Variants in LGI4 observed in about 807,000 individuals in gnomAD.
The protein encoded by LGI4 is leucine rich repeat LGI family member 4.
A neutral mutation model predicts 48.3 loss-of-function variants in LGI4; 36 were observed. The ratio of observed to expected loss-of-function variants is 0.75; its 90% CI spans 0.57 to 0.98. The LOEUF (loss-of-function observed/expected upper bound fraction) is 0.98, where lower values mean the gene tolerates loss of function less well. LGI4 is among the 50% of genes least tolerant of loss of function. The pLI, the probability that LGI4 is intolerant of heterozygous loss-of-function variation, is 0.00. For missense variants in LGI4, 701 were observed against 732.1 expected (o/e 0.96, Z 0.49); for synonymous variants, 355 against 331.6 (o/e 1.07, Z -0.77).
Position 35,134,924 on chromosome 19 carries a change from G to A in LGI4, c.-244C>T, listed in dbSNP as rs1359210502. 7.8e-6 allele frequency: 4 copies of A among 509,850 alleles called. No homozygotes were observed. Among genetic ancestry groups the A allele is most frequent in the Non-Finnish European group, 1.4e-5 (4 of 291,196 alleles). 31.6% of individuals were successfully genotyped at this position (509,850 alleles called of 1,614,324 possible). A position where few individuals can be genotyped will look rare whatever the true frequency, so the allele number is the denominator to read the frequency against. On this transcript the variant is annotated 5_prime_UTR_variant, in exon 1 of 9. Transcript: ENST00000310123. ...TGTCTCTGTATTTTTGACTCTGTGT[G>A]TTAGTCTGTTTCTATTTCTGTCTTT...
chr19:35,133,275 G>T, intron 3 of LGI4: 1 of 975,666 alleles, frequency 1.0e-6, no homozygotes, highest in Non-Finnish European at 1.2e-6. Context: ...CTACCCAATC[G>T]TCAGCACCAC....
At position 35,132,024 on chromosome 19, in the gene LGI4, C is replaced by A. The variant is rs750391498; in HGVS notation, c.333G>T (p.Glu111Asp). The change falls in exon 4 of 9, where the codon GAG becomes GAT. Residue 111 changes from glutamate (E) to aspartate (D), a missense_variant. Glu to Asp is a conservative substitution (Grantham distance 45). This residue lies in a region of LGI4 where 462 missense variants were observed against 436.4 expected (regional missense o/e 1.06). Transcript: ENST00000310123. ...HLQYLFIEDN[E>D]IGSISKNALR... The stretch of plus-strand genomic sequence containing the variant: ...GGGCATTCTTAGAGATGGAGCCAAT[C>A]TCATTGTCCTCGATGAAGCTGTGGA... 6.3e-7 allele frequency: 1 copy of A among 1,580,866 alleles called. No homozygotes were observed. The highest frequency in any genetic ancestry group is 1.2e-5 in the South Asian group (1 of 86,078).
Position 35,124,587 on chromosome 19 carries a change from G to T in LGI4, c.*606C>A, listed in dbSNP as rs764330147. The T allele has an allele frequency of 6.6e-6, 1 of 151,738 alleles. No homozygotes were observed. The highest frequency in any genetic ancestry group is 1.9e-4 in the East Asian group (1 of 5,170). 9.4% of individuals were successfully genotyped at this position (151,738 alleles called of 1,614,324 possible). A position where few individuals can be genotyped will look rare whatever the true frequency, so the allele number is the denominator to read the frequency against. On this transcript the variant is annotated 3_prime_UTR_variant, in exon 9 of 9. Transcript: ENST00000310123. ...CCGTCGCCCATCTAGAAGGGCACCA[G>T]GCTCCCCGCGACACCTCCCGCTGTC...
rs1333862715 is a variant in LGI4, at chr19:35,134,799, G to T, written c.-119C>A. 5 of 587,928 alleles carry T rather than the reference G, an allele frequency of 8.5e-6. No individual in the cohort carries two copies. Among genetic ancestry groups the T allele is most frequent in the East Asian group, 3.0e-5 (1 of 33,164 alleles). 36.4% of individuals were successfully genotyped at this position (587,928 alleles called of 1,614,324 possible). ...CCGCCTGCTGGCACGCTCGGCCCTG[G>T]CTTCTCTCTCCTCTTCTCCGTCTTT... On this transcript the variant is annotated 5_prime_UTR_variant, in exon 1 of 9. Coordinates refer to ENST00000310123, the MANE Select transcript of LGI4 (RefSeq NM_139284.3).
At chr19:35,130,893 G>A (rs547490005) in intron 6 of LGI4, among the ~76,000 whole-genome samples, 12 of 152,284 alleles carry the variant, frequency 7.9e-5, no homozygotes, top group Non-Finnish European at 1.2e-4. Flanking sequence ...TGTCCTGTCT[G>A]GGCCTGCATT....
rs544303508 is a variant in LGI4 at position 35,131,465 on chromosome 19, G to A, written c.549C>T (p.Gly183=). The A allele has an allele frequency of 3.7e-5, 58 of 1,551,446 alleles. No individual in the cohort carries two copies. The highest frequency in any genetic ancestry group is 4.7e-5 in the Non-Finnish European group (54 of 1,147,098). The change falls in exon 6 of 9, where the codon GGC becomes GGT. Residue 183 remains glycine, a synonymous_variant. Transcript: ENST00000310123. Reference sequence around the variant, plus strand: ...TCAGGGAGGCGGGGCCCGCACAGGCGCCGGTCCCCACGCTGGCATTCACGG... The same window carrying A: ...TCAGGGAGGCGGGGCCCGCACAGGCACCGGTCCCCACGCTGGCATTCACGG... The part of the protein sequence containing the change: ...MPTVNASVGT[G]ACAGPASLSH...
Position 35,133,434 on chromosome 19 carries a change from C to T in LGI4, c.314+259G>A, listed in dbSNP as rs191813558. 8.9e-5 allele frequency: 117 copies of T among 1,321,212 alleles called. No individual in the cohort carries two copies. In the East Asian group the frequency reaches 3.7e-3, roughly 42 times the overall value. 81.8% of individuals were successfully genotyped at this position (1,321,212 alleles called of 1,614,324 possible). ...AGAATCAGGCTCTGGTTATCCGGGC[C>T]CTTTGTAGATCTTGAAGCAGAGAAG... On this transcript the variant is annotated intron_variant, in intron 3 of 8. Coordinates refer to ENST00000310123, the MANE Select transcript of LGI4 (RefSeq NM_139284.3).
At chr19:35,132,115 C>G (rs2065180110) in intron 3 of LGI4, 73 bp from the exon 4 acceptor site, 1 of 1,255,262 alleles carries the variant, frequency 8.0e-7, no homozygotes, top group African/African-American at 1.5e-5. Context: ...AGACATAGGC[C>G]CACTGGAAGG....
chr19:35,125,247 G>A lies in LGI4; in HGVS notation c.1560C>T (p.Cys520=). 6.3e-6 allele frequency: 10 copies of A among 1,585,902 alleles called. No individual in the cohort carries two copies. Among genetic ancestry groups the A allele is most frequent in the Non-Finnish European group, 8.6e-6 (10 of 1,164,312 alleles). Residue 520 remains cysteine (C), a synonymous_variant, in exon 9 of 9, where the codon TGC becomes TGT. Transcript: ENST00000310123. ...GGTAGATCTGTGTGGGGCCCTTAAA[G>A]CAAGCAGCAAAGAGGAAGCGTCTGC... ...MAGRRFLFAA[C]FKGPTQIYQH...
chr19:35,132,180 C>T (rs183224100), intron 3 of LGI4, 138 bp from the exon 4 acceptor site: 1 of 737,530 alleles, frequency 1.4e-6, no homozygotes, highest in Non-Finnish European at 2.3e-6. Context: ...TCTCAAAAAC[C>T]TCTCCTCCCA....
rs373822358 is a variant in LGI4, at chr19:35,126,474, C to T, written c.1095G>A (p.Thr365=). ...HQSLHAWHRD[T]DAEALELDGR... ...CGTCCAGCTCCAGGGCCTCAGCGTC[C>T]GTGTCCCGGTGCCAGGCGTGCAGGC... The change falls in exon 8 of 9, where the codon ACG becomes ACA. Residue 365 remains threonine (T), a synonymous_variant. Coordinates refer to ENST00000310123, the MANE Select transcript of LGI4 (RefSeq NM_139284.3). 5.1e-6 allele frequency: 8 copies of T among 1,571,336 alleles called. No homozygotes were observed. The East Asian group carries it at 9.2e-5, about 18-fold the overall frequency.
At chr19:35,129,684 T>C (rs1673009) in intron 6 of LGI4, among the ~76,000 whole-genome samples, 47,309 of 151,986 alleles carry the variant, frequency 0.31, 8,011 homozygotes, top group South Asian at 0.51. Context: ...AAAGCCTGGG[T>C]ATTGTCCAAG....
In LGI4 at chr19:35,126,286, T is replaced by TA; in HGVS notation, c.1282dup (p.Tyr428LeufsTer55). ...CAGCCTCACCATGGAGTCCCCAATG[T>TA]AGCGTGTGAGGCACAGGAACACGTC... On this transcript the variant is annotated frameshift_variant, in exon 8 of 9. Coordinates refer to ENST00000310123, the MANE Select transcript of LGI4 (RefSeq NM_139284.3). LOFTEE classifies it high-confidence loss of function. 6.2e-7 allele frequency: 1 copy of TA among 1,612,044 alleles called. No individual in the cohort carries two copies. The highest frequency in any genetic ancestry group is 8.5e-7 in the Non-Finnish European group (1 of 1,179,562).
intron 2 of LGI4, 72 bp downstream of exon 2, chr19:35,133,961 A>G: frequency 2.1e-6 from 3 of 1,433,760 alleles, no homozygotes; most frequent in Admixed American, 2.0e-5. Context: ...CTGTGTGAGC[A>G]TACACTCCCA....
chr19:35,126,680 G>A lies in LGI4; in HGVS notation c.889C>T (p.Pro297Ser), dbSNP rs771179115. 169 of 1,535,758 alleles carry A rather than the reference G, an allele frequency of 1.1e-4. No individual in the cohort carries two copies. Among genetic ancestry groups the A allele is most frequent in the Non-Finnish European group, 1.2e-4 (136 of 1,146,330 alleles). ...GGGGCCAGGCGCAGGCCGGGACTGG[G>A]CCGGGCCCACAGCTGTGAGCCCCCC... Reference protein sequence around the residue: ...LWGGSQLWARPSPGLRLAPTQ... With the variant: ...LWGGSQLWARSSPGLRLAPTQ... Residue 297 changes from proline (P) to serine (S), a missense_variant, in exon 8 of 9, where the codon CCC becomes TCC. Pro to Ser is a moderately conservative substitution (Grantham distance 74, BLOSUM62 -1). Around this residue, in one of 3 missense-constraint regions of LGI4, gnomAD observed 462 missense variants for 436.4 expected, o/e 1.06. Transcript: ENST00000310123.
Position 35,126,946 on chromosome 19 carries a change from G to A in LGI4, c.700C>T (p.His234Tyr), listed in dbSNP as rs747433557. ...VEPFSYQGEP[H>Y]IVLAQPFAGR... ...GCGAAGGGCTGTGCCAGCACAATGT[G>A]AGGCTCCCCTTGGTAGGAGAAGGGC... Residue 234 changes from histidine to tyrosine, a missense_variant, in exon 7 of 9, where the codon CAC becomes TAC. Coordinates refer to ENST00000310123, the MANE Select transcript of LGI4 (RefSeq NM_139284.3). The A allele has an allele frequency of 4.3e-6, 7 of 1,613,682 alleles. No individual in the cohort carries two copies. Among genetic ancestry groups the A allele is most frequent in the Non-Finnish European group, 5.1e-6 (6 of 1,179,918 alleles).
chr19:35,134,768 C>G lies in LGI4; in HGVS notation c.-88G>C. 7.5e-6 allele frequency: 5 copies of G among 664,456 alleles called. No individual in the cohort carries two copies. Among genetic ancestry groups the G allele is most frequent in the South Asian group, 2.0e-5 (1 of 51,174 alleles). The allele number at this position is 664,456 out of a possible 1,614,324, so 41.2% of individuals were successfully genotyped here. ...ACGTCTCCTCCTCCACCAGGCCGCC[C>G]TCCATCCGCCTGCTGGCACGCTCGG... On this transcript the variant is annotated 5_prime_UTR_variant, in exon 1 of 9. Transcript: ENST00000310123.
In LGI4 at chr19:35,126,693, C is replaced by A. The variant is rs1333611965; in HGVS notation, c.876G>T (p.Gln292His). The A allele has an allele frequency of 2.0e-6, 3 of 1,537,172 alleles. No homozygotes were observed. In the African/African-American group the frequency reaches 4.1e-5, roughly 21 times the overall value. Residue 292 changes from glutamine to histidine, a missense_variant, in exon 8 of 9, where the codon CAG becomes CAT. By Grantham distance (24) the Gln-to-His change is conservative. Coordinates refer to ENST00000310123, the MANE Select transcript of LGI4 (RefSeq NM_139284.3). ...GGCCGGGACTGGGCCGGGCCCACAGCTGTGAGCCCCCCCACAGGCGGGCAG... is the reference window on the plus strand; with the variant it reads ...GGCCGGGACTGGGCCGGGCCCACAGATGTGAGCCCCCCCACAGGCGGGCAG... ...VLAARLWGGSQLWARPSPGLR... is the reference protein window; with the variant it reads ...VLAARLWGGSHLWARPSPGLR...
In LGI4 at chr19:35,127,022, G is replaced by T. The variant is rs757520499; in HGVS notation, c.629-5C>A. Reference sequence around the variant, plus strand: ...CCGTCTGGAACCAGGACAGCTCTGTGGGTGGAGAAGAGAGTCAGGCAGGCC... The same window carrying T: ...CCGTCTGGAACCAGGACAGCTCTGTTGGTGGAGAAGAGAGTCAGGCAGGCC... On this transcript the variant is annotated splice_region_variant and splice_polypyrimidine_tract_variant and intron_variant, in intron 6 of 8. Coordinates refer to ENST00000310123, the MANE Select transcript of LGI4 (RefSeq NM_139284.3). 1.3e-6 allele frequency: 2 copies of T among 1,576,814 alleles called. No homozygotes were observed. Among genetic ancestry groups the T allele is most frequent in the Non-Finnish European group, 8.6e-7 (1 of 1,156,864 alleles).
Sources: allele counts gnomAD v4.1 joint callset (sites outside exome capture counted in the v4.1 genomes callset), GRCh38; gene constraint gnomAD v4.1.1; regional missense constraint gnomAD v4.1.1; transcripts MANE v1.5; gene names NCBI Gene and HGNC (gene_info 2026-07-23, HGNC 2026-07-21).